The following ZNF585B variants were observed in gnomAD, a reference collection of about 807,000 sequenced individuals.
ZNF585B encodes zinc finger protein 41-like protein.
A neutral mutation model predicts 14.0 loss-of-function variants in ZNF585B; 7 were observed. The observed-to-expected ratio is 0.50, with a 90% CI of 0.28 to 0.94. The LOEUF (loss-of-function observed/expected upper bound fraction) is 0.94, where lower values mean the gene tolerates loss of function less well. ZNF585B is among the 40% of genes least tolerant of loss of function. The probability of loss-of-function intolerance (pLI) is 0.09; values close to 1 mark genes in which losing one functional copy is unlikely to be tolerated. For synonymous variants in ZNF585B, 290 were observed against 317.3 expected (o/e 0.91, Z 0.91); for missense variants, 750 against 924.4 (o/e 0.81, Z 2.45).
intron 4 of ZNF585B, among the ~76,000 whole-genome samples, chr19:37,187,725 G>A (rs1972354998): frequency 6.6e-6 from 1 of 152,052 alleles, no homozygotes; most frequent in South Asian, 2.1e-4. Flanking sequence ...AGCTAGCAGA[G>A]GCTAGAGGGG....
At chr19:37,200,423 G>C in intron 2 of ZNF585B, among the ~76,000 whole-genome samples, 1 of 150,424 alleles carries the variant, frequency 6.6e-6, no homozygotes, top group South Asian at 2.1e-4. Context: ...GGTGGCGCGC[G>C]CCTGTAATCC....
In ZNF585B at chr19:37,186,379, G is replaced by T; in HGVS notation, c.1158C>A (p.Asp386Glu). ...ACTTCTGAGTGAAGGCTCTCCCACA[G>T]TCACTGCATTCATAAGGTTTCTCTC... ...HTGEKPYECS[D>E]CGRAFTQKSA... The change falls in exon 5 of 5, where the codon GAC (aspartate) becomes GAA (glutamate). Residue 386 changes from aspartate (D) to glutamate (E), a missense_variant. By Grantham distance (45) the Asp-to-Glu change is conservative. Around this residue, in one of 2 missense-constraint regions of ZNF585B, gnomAD observed 517 missense variants for 570.3 expected, o/e 0.91. Coordinates refer to ENST00000532828, the MANE Select transcript of ZNF585B (RefSeq NM_152279.4). 1 of 1,613,946 alleles carries T rather than the reference G, an allele frequency of 6.2e-7. No individual in the cohort carries two copies. The highest frequency in any genetic ancestry group is 8.5e-7 in the Non-Finnish European group (1 of 1,179,990).
chr19:37,208,443 G>GA (rs1363906032), intron 1 of ZNF585B, among the ~76,000 whole-genome samples: 9 of 151,808 alleles, frequency 5.9e-5, no homozygotes, highest in South Asian at 2.1e-4. Flanking sequence ...AGCTATAACA[G>GA]AAAAAAACAG....
chr19:37,185,763 T>C lies in ZNF585B; in HGVS notation c.1774A>G (p.Asn592Asp). 1 of 1,595,116 alleles carries C rather than the reference T, an allele frequency of 6.3e-7. No homozygotes were observed. The highest frequency in any genetic ancestry group is 1.4e-5 in the African/African-American group (1 of 73,574). ...TGAATTCTTTGATGAGTAATAAAGT[T>C]TGACTTGCGGATGAAAGCTCTTCCA... ...ECGRAFIRKSNFITHQRIHTG... is the reference protein window; with the variant it reads ...ECGRAFIRKSDFITHQRIHTG... Residue 592 changes from asparagine to aspartate, a missense_variant, in exon 5 of 5, where the codon AAC (asparagine) becomes GAC (aspartate). Around this residue, in one of 2 missense-constraint regions of ZNF585B, gnomAD observed 233 missense variants for 354.1 expected, o/e 0.66. Coordinates refer to ENST00000532828, the MANE Select transcript of ZNF585B (RefSeq NM_152279.4).
At chr19:37,197,029 G>A (rs1170596948) in intron 2 of ZNF585B, among the ~76,000 whole-genome samples, 2 of 152,160 alleles carry the variant, frequency 1.3e-5, no homozygotes, top group African/African-American at 2.4e-5. Flanking sequence ...TGTGCACAAC[G>A]TGCAGGTTTG....
At chr19:37,194,516 GGGA>G (rs1419114479) in intron 2 of ZNF585B, among the ~76,000 whole-genome samples, 1 of 152,162 alleles carries the variant, frequency 6.6e-6, no homozygotes, top group Non-Finnish European at 1.5e-5. Context: ...GGGAGGCTGA[GGGA>G]GGAGAATTGT....
Position 37,185,298 on chromosome 19 carries a change from T to G in ZNF585B, c.2239A>C (p.Lys747Gln). The G allele has an allele frequency of 6.2e-7, 1 of 1,614,132 alleles. No homozygotes were observed. Among genetic ancestry groups the G allele is most frequent in the Non-Finnish European group, 8.5e-7 (1 of 1,180,030 alleles). ...AAGCCTTTCCCACAGATGCCACACT[T>G]GTAGGGTTTGTCTCCAGTGTGTGTT... Reference protein sequence around the residue: ...QTTHTGDKPYKCGICGKGFVQ... With the variant: ...QTTHTGDKPYQCGICGKGFVQ... The change falls in exon 5 of 5, where the codon AAG (lysine) becomes CAG (glutamine). Residue 747 changes from lysine (K) to glutamine (Q), a missense_variant. By Grantham distance (53) the Lys-to-Gln change is moderately conservative (BLOSUM62 1). This residue lies in a region of ZNF585B where 233 missense variants were observed against 354.1 expected (regional missense o/e 0.66). Coordinates refer to ENST00000532828, the MANE Select transcript of ZNF585B (RefSeq NM_152279.4).
intron 2 of ZNF585B, among the ~76,000 whole-genome samples, chr19:37,192,598 G>A (rs947279913): frequency 2.0e-5 from 3 of 151,534 alleles, no homozygotes; most frequent in African/African-American, 7.3e-5. Flanking sequence ...ATCACCTAAG[G>A]TCAGGAGTTC....
At position 37,187,012 on chromosome 19, in the gene ZNF585B, T is replaced by C; in HGVS notation, c.525A>G (p.Thr175=). Residue 175 remains threonine, a synonymous_variant, in exon 5 of 5, where the codon ACA becomes ACG. Coordinates refer to ENST00000532828, the MANE Select transcript of ZNF585B (RefSeq NM_152279.4). ...RAFVQKPEFI[T]HQKTHMREKP... is the part of the protein sequence containing the mutation. ...TCTCTCTCATATGGGTTTTCTGATG[T>C]GTGATGAATTCTGGCTTCTGTACAA... 6.2e-7 allele frequency: 1 copy of C among 1,613,168 alleles called. No individual in the cohort carries two copies. Among genetic ancestry groups the C allele is most frequent in the Non-Finnish European group, 8.5e-7 (1 of 1,179,776 alleles).
chr19:37,203,311 C>T (rs1972552176), intron 2 of ZNF585B, among the ~76,000 whole-genome samples: 1 of 151,908 alleles, frequency 6.6e-6, no homozygotes, highest in Non-Finnish European at 1.5e-5. Context: ...ACCACACGAA[C>T]TTTAAAATGT....
intron 2 of ZNF585B, among the ~76,000 whole-genome samples, chr19:37,198,333 G>A (rs12985619): frequency 1.3e-5 from 2 of 151,276 alleles, no homozygotes; most frequent in Non-Finnish European, 2.9e-5. Context: ...CACCATGCCC[G>A]GCTAATTTTT....
chr19:37,199,642 G>T (rs1972509796), intron 2 of ZNF585B: 1 of 273,536 alleles, frequency 3.7e-6, no homozygotes, highest in Non-Finnish European at 7.4e-6. Context: ...AAAATAGAGA[G>T]GAGATTAAAA....
chr19:37,204,895 C>A (rs920525768), intron 2 of ZNF585B, among the ~76,000 whole-genome samples: 1 of 151,950 alleles, frequency 6.6e-6, no homozygotes, highest in African/African-American at 2.4e-5. Flanking sequence ...TACAGGCGTA[C>A]GCCACCATGC....
chr19:37,199,902 G>C (rs1042876794), intron 2 of ZNF585B, among the ~76,000 whole-genome samples: 1 of 151,810 alleles, frequency 6.6e-6, no homozygotes, highest in East Asian at 2.0e-4. Flanking sequence ...AATTAGCTGG[G>C]CATGGTGGCA....
intron 2 of ZNF585B, among the ~76,000 whole-genome samples, chr19:37,204,706 G>A (rs1271519946): frequency 1.3e-5 from 2 of 149,774 alleles, no homozygotes; most frequent in Non-Finnish European, 3.0e-5. Flanking sequence ...TCCCGAGCAG[G>A]TGGGTCTATA....
At chr19:37,199,097 A>G in intron 2 of ZNF585B, 3 of 1,094,184 alleles carry the variant, frequency 2.7e-6, no homozygotes, top group Non-Finnish European at 3.9e-6. Flanking sequence ...TTTATCATAC[A>G]CTTGTATAGT....
chr19:37,195,345 CAAAAAAAAAAAAAAAA>C (rs71177429), intron 2 of ZNF585B, among the ~76,000 whole-genome samples: 3 of 14,300 alleles, frequency 2.1e-4, no homozygotes, highest in African/African-American at 6.7e-4. Flanking sequence ...GACTCTGACT[CAAAAAAAAAAAAAAAA>C]AAAAAAAAAA....
In ZNF585B at chr19:37,186,793, G is replaced by A. The variant is rs747810234; in HGVS notation, c.744C>T (p.Gly248=). 3.1e-6 allele frequency: 5 copies of A among 1,614,074 alleles called. No homozygotes were observed. In the South Asian group the frequency reaches 5.5e-5, roughly 18 times the overall value. The change falls in exon 5 of 5, where the codon GGC becomes GGT. Residue 248 remains glycine (G), a synonymous_variant. Transcript: ENST00000532828. ...GERHHECTDC[G]KAFTQKSTLK... The stretch of plus-strand genomic sequence containing the variant: ...GTGTGGACTTTTGTGTGAACGCTTT[G>A]CCACAGTCAGTGCATTCATGGTGTC...
In ZNF585B at chr19:37,207,236, C is replaced by T; in HGVS notation, c.-125G>A. 6.7e-7 allele frequency: 1 copy of T among 1,499,570 alleles called. No individual in the cohort carries two copies. Among genetic ancestry groups the T allele is most frequent in the South Asian group, 1.3e-5 (1 of 78,348 alleles). The allele number at this position is 1,499,570 out of a possible 1,614,324, so 92.9% of individuals were successfully genotyped here. ...GGAGGAAGGTCTGGCCCAGGGACTC[C>T]CCAGAGACACCCAAGAACCTAGAAA... On this transcript the variant is annotated 5_prime_UTR_variant, in exon 2 of 5. Coordinates refer to ENST00000532828, the MANE Select transcript of ZNF585B (RefSeq NM_152279.4).
Sources: gnomAD v4.1 joint callset for allele counts (sites outside exome capture counted in the v4.1 genomes callset) on GRCh38, gnomAD v4.1.1 for gene constraint, gnomAD v4.1.1 regional missense constraint, MANE v1.5 for transcripts, NCBI Gene and HGNC (gene_info 2026-07-23, HGNC 2026-07-21) for gene names.